The following ZNF222 variants were observed in gnomAD, a reference collection of about 807,000 sequenced individuals.
ZNF222 encodes zinc finger protein 222.
In ZNF222, 8 loss-of-function variants were observed where a neutral mutation model predicts 11.6. The observed-to-expected ratio is 0.69, with a 90% CI of 0.41 to 1.25. The LOEUF is 1.25. ZNF222 is among the 50% of genes most tolerant of loss of function. The probability of loss-of-function intolerance (pLI) is 0.01; values close to 1 mark genes in which losing one functional copy is unlikely to be tolerated. For synonymous variants in ZNF222, 171 were observed against 195.6 expected, an observed-to-expected ratio of 0.87 and a Z score of 1.05; for missense variants, 483 against 576.1, an observed-to-expected ratio of 0.84 and a Z score of 1.65.
chr19:44,029,184 TTG>T lies in ZNF222; in HGVS notation c.262+1696_262+1697del, dbSNP rs887322716. On this transcript the variant is annotated intron_variant, in intron 3 of 3. Transcript: ENST00000391960. ...GTTGCAGGACAGTTGTTGGTTTGTT[TTG>T]TTTTGTTTTTTTTTTTTTTTTTTTT... Among the ~76,000 whole-genome samples the T allele has an allele frequency of 7.6e-3, 726 of 95,096 alleles. 14 individuals carry two copies. The highest frequency in any genetic ancestry group is 0.034 in the African/African-American group (678 of 19,954). 62.4% of individuals were successfully genotyped at this position (95,096 alleles called of 152,430 possible).
intron 3 of ZNF222, 127 bp downstream of exon 3, chr19:44,027,617 T>C: frequency 1.1e-6 from 1 of 894,260 alleles, no homozygotes; most frequent in Non-Finnish European, 1.8e-6. Context: ...TCCCTGCTGA[T>C]GCCCCTGCTC....
At chr19:44,026,065 G>A in intron 1 of ZNF222, 1 of 1,613,456 alleles carries the variant, frequency 6.2e-7, no homozygotes, top group Admixed American at 1.7e-5. Context: ...GGACTTCTTG[G>A]CTACTGATGG....
intron 3 of ZNF222, 77 bp downstream of exon 3, chr19:44,027,567 G>A (rs931286223): frequency 2.7e-5 from 38 of 1,395,480 alleles, no homozygotes; most frequent in Non-Finnish European, 3.4e-5. Context: ...GCATTTTGGG[G>A]TAAATGGCCA....
intron 1 of ZNF222, chr19:44,026,115 A>G (rs748273375): frequency 1.2e-6 from 2 of 1,610,178 alleles, no homozygotes; most frequent in Non-Finnish European, 1.7e-6. Flanking sequence ...TTTTTCTTTG[A>G]CAGAGATGCT....
intron 3 of ZNF222, among the ~76,000 whole-genome samples, chr19:44,029,418 C>G (rs1431806604): frequency 6.6e-6 from 1 of 151,972 alleles, no homozygotes; most frequent in Non-Finnish European, 1.5e-5. Context: ...TTCTTTATAT[C>G]TATGAGCTGA....
Position 44,032,282 on chromosome 19 carries a change from GT to G in ZNF222, c.729del (p.Cys243TrpfsTer22). ...RVHTGEKPFK[C>X]EQCGKGFRCR... is the part of the protein sequence containing the mutation. ...CACACTGGAGAGAAACCATTCAAAT[GT>G]GAGCAGTGTGGGAAAGGCTTCAGAT... On this transcript the variant is annotated frameshift_variant, in exon 4 of 4. Coordinates refer to ENST00000391960, the MANE Select transcript of ZNF222 (RefSeq NM_001129996.2). LOFTEE classifies it low-confidence loss of function (END_TRUNC). 1 of 1,614,176 alleles carries G rather than the reference GT, an allele frequency of 6.2e-7. No individual in the cohort carries two copies. The highest frequency in any genetic ancestry group is 8.5e-7 in the Non-Finnish European group (1 of 1,180,034).
chr19:44,026,045 C>T, intron 1 of ZNF222: 1 of 1,613,412 alleles, frequency 6.2e-7, no homozygotes, highest in East Asian at 2.2e-5. Context: ...TCTAAAAGAG[C>T]TGCAGGAAGG....
rs780578805 is a variant in ZNF222, at chr19:44,032,193, TA to T, written c.641del (p.Lys214SerfsTer51). The T allele has an allele frequency of 2.5e-6, 4 of 1,614,226 alleles. No homozygotes were observed. The highest frequency in any genetic ancestry group is 1.6e-4 in the Middle Eastern group (1 of 6,062). On this transcript the variant is annotated frameshift_variant, in exon 4 of 4. Coordinates refer to ENST00000391960, the MANE Select transcript of ZNF222 (RefSeq NM_001129996.2). LOFTEE classifies it low-confidence loss of function (END_TRUNC). Reference protein sequence around the residue: ...QRVHMGVKCYKCDVCGKEFSQ... With the variant: ...QRVHMGVKCYXCDVCGKEFSQ... Reference sequence around the variant, plus strand: ...GGGTCCACATGGGAGTGAAATGCTATAAGTGTGATGTGTGTGGTAAGGAATT... The same window carrying T: ...GGGTCCACATGGGAGTGAAATGCTATAGTGTGATGTGTGTGGTAAGGAATT...
Position 44,032,899 on chromosome 19 carries a change from C to T in ZNF222, c.1345C>T (p.Arg449Trp), listed in dbSNP as rs148187402. 50 of 1,613,762 alleles carry T rather than the reference C, an allele frequency of 3.1e-5. 1 individual carries two copies. Among genetic ancestry groups the T allele is most frequent in the South Asian group, 8.8e-5 (8 of 90,990 alleles). The change falls in exon 4 of 4, where the codon CGG (arginine) becomes TGG (tryptophan). Residue 449 changes from arginine (R) to tryptophan (W), a missense_variant. Arg to Trp is a moderately radical substitution (Grantham distance 101). Coordinates refer to ENST00000391960, the MANE Select transcript of ZNF222 (RefSeq NM_001129996.2). ...CEDCGKRLVC[R>W]SYCKDQQRDH... ...AGACTGTGGAAAGAGGCTTGTATGC[C>T]GGTCATACTGTAAAGACCAACAAAG...
rs1366698511 is a variant in ZNF222 at position 44,032,246 on chromosome 19, A to T, written c.692A>T (p.His231Leu). The T allele has an allele frequency of 6.2e-7, 1 of 1,614,258 alleles. No individual in the cohort carries two copies. The highest frequency in any genetic ancestry group is 8.5e-7 in the Non-Finnish European group (1 of 1,180,048). ...EFSQSSRLQT[H>L]QRVHTGEKPF... ...AGTCAGAGCTCACGTCTGCAAACTC[A>T]TCAAAGAGTCCACACTGGAGAGAAA... Residue 231 changes from histidine to leucine, a missense_variant, in exon 4 of 4, where the codon CAT becomes CTT. His to Leu is a moderately conservative substitution (Grantham distance 99, BLOSUM62 -3). Coordinates refer to ENST00000391960, the MANE Select transcript of ZNF222 (RefSeq NM_001129996.2).
At chr19:44,026,815 A>C (rs998631729) in intron 1 of ZNF222, among the ~76,000 whole-genome samples, 2 of 152,122 alleles carry the variant, frequency 1.3e-5, no homozygotes, top group Non-Finnish European at 2.9e-5. Flanking sequence ...CACCCTGTTG[A>C]CTGGTGTGTG....
In ZNF222 at chr19:44,028,694, C is replaced by T. The variant is rs553027361; in HGVS notation, c.262+1204C>T. 2.0e-5 allele frequency among the ~76,000 whole-genome samples: 3 copies of T among 152,272 alleles called. No individual in the cohort carries two copies. In the South Asian group the frequency reaches 6.2e-4, roughly 32 times the overall value. ...TGCATCTTCAGCACCTAGAATACTC[C>T]TGGTACATGGCAGTTATCTGTAAAT... On this transcript the variant is annotated intron_variant, in intron 3 of 3. Coordinates refer to ENST00000391960, the MANE Select transcript of ZNF222 (RefSeq NM_001129996.2).
chr19:44,027,342 A>G (rs1976399431), intron 2 of ZNF222, 56 bp from the exon 3 acceptor site: 1 of 1,577,144 alleles, frequency 6.3e-7, no homozygotes, highest in African/African-American at 1.3e-5. Flanking sequence ...GTTTGCACCA[A>G]CATGATATTA....
intron 3 of ZNF222, among the ~76,000 whole-genome samples, chr19:44,028,979 C>T (rs149167965): frequency 6.6e-6 from 1 of 152,222 alleles, no homozygotes; most frequent in African/African-American, 2.4e-5. Context: ...TTAGGTATAA[C>T]ACCAAACGCA....
At chr19:44,027,259 T>C in intron 2 of ZNF222, 110 bp downstream of exon 2, 2 of 1,586,846 alleles carry the variant, frequency 1.3e-6, no homozygotes, top group South Asian at 1.1e-5. Context: ...CCAGTAAATT[T>C]TGCCTGGCTA....
chr19:44,031,330 A>C (rs1599860276), intron 3 of ZNF222, among the ~76,000 whole-genome samples: 1 of 152,250 alleles, frequency 6.6e-6, no homozygotes, highest in Non-Finnish European at 1.5e-5. Flanking sequence ...GCAAACCAAA[A>C]ACCAGGGTGC....
chr19:44,033,047 G>C lies in ZNF222; in HGVS notation c.*17G>C. 1 of 1,482,982 alleles carries C rather than the reference G, an allele frequency of 6.7e-7. No individual in the cohort carries two copies. The highest frequency in any genetic ancestry group is 8.9e-7 in the Non-Finnish European group (1 of 1,117,922). The allele number at this position is 1,482,982 out of a possible 1,614,324, so 91.9% of individuals were successfully genotyped here. A position where few individuals can be genotyped will look rare whatever the true frequency, so the allele number is the denominator to read the frequency against. On this transcript the variant is annotated 3_prime_UTR_variant, in exon 4 of 4. Transcript: ENST00000391960. ...GACATATAAGTTATACATATTTATGGAGTGTGAAATTTGATACATGTATAT... is the reference window on the plus strand; with the variant it reads ...GACATATAAGTTATACATATTTATGCAGTGTGAAATTTGATACATGTATAT...
In ZNF222 at chr19:44,032,028, G is replaced by C. The variant is rs148065820; in HGVS notation, c.474G>C (p.Gln158His). ...STVHTREKPF[Q>H]GENCKQFFSD... ...TTCACACAAGAGAAAAACCTTTCCA[G>C]GGTGAAAATTGTAAACAGTTCTTCA... Residue 158 changes from glutamine (Q) to histidine (H), a missense_variant, in exon 4 of 4, where the codon CAG (glutamine) becomes CAC (histidine). By Grantham distance (24) the Gln-to-His change is conservative. Transcript: ENST00000391960. 33 of 1,614,096 alleles carry C rather than the reference G, an allele frequency of 2.0e-5. No individual in the cohort carries two copies. In the African/African-American group the frequency reaches 4.3e-4, roughly 21 times the overall value.
In ZNF222 at chr19:44,025,386, T is replaced by C. The variant is rs1976330286; in HGVS notation, c.-51T>C. 6.5e-7 allele frequency: 1 copy of C among 1,546,068 alleles called. No individual in the cohort carries two copies. The highest frequency in any genetic ancestry group is 1.4e-5 in the African/African-American group (1 of 73,018). On this transcript the variant is annotated 5_prime_UTR_variant, in exon 1 of 4. Transcript: ENST00000391960. This position sits in a 1 kb window ranked among gnomAD's most constrained non-coding sequence, Gnocchi z 4.6. ...CAGTAGTTTGAGTCATTTCCACATCTTGCGAGTCCTTCCGAACGAGTCTCC... is the reference window on the plus strand; with the variant it reads ...CAGTAGTTTGAGTCATTTCCACATCCTGCGAGTCCTTCCGAACGAGTCTCC...
Sources: allele counts gnomAD v4.1 joint callset (sites outside exome capture counted in the v4.1 genomes callset), GRCh38; gene constraint gnomAD v4.1.1; non-coding constraint Gnocchi (gnomAD v3.1); transcripts MANE v1.5; gene names NCBI Gene and HGNC (gene_info 2026-07-23, HGNC 2026-07-21).